TAF5: variants seen among roughly 807,000 people sequenced by gnomAD.
TAF5 encodes the protein transcription initiation factor TFIID subunit 5.
Under a neutral mutation model 80.9 loss-of-function variants are expected in TAF5, and 20 were observed. That is an observed-to-expected ratio of 0.25 (90% confidence interval 0.17 to 0.36). The LOEUF (loss-of-function observed/expected upper bound fraction) is 0.36. Among genes scored for constraint, TAF5 ranks in the 10% least tolerant of loss-of-function variants. The probability of loss-of-function intolerance (pLI) is 1.00; values close to 1 mark genes in which losing one functional copy is unlikely to be tolerated. For missense variants in TAF5, 863 were observed against 1,029.4 expected, an observed-to-expected ratio of 0.84 and a Z score of 2.21; for synonymous variants, 388 against 406.4, an observed-to-expected ratio of 0.95 and a Z score of 0.55.
intron 1 of TAF5, among the ~76,000 whole-genome samples, chr10:103,368,907 AAGTACTG>A (rs1470376952): frequency 3.9e-5 from 6 of 152,158 alleles, no homozygotes; most frequent in Admixed American, 1.3e-4. Context: ...AGCGTACTTT[AAGTACTG>A]TAAGTACTTT....
At chr10:103,387,720 T>C (rs2093400487) in intron 10 of TAF5, 22 bp downstream of exon 10, 1 of 1,598,870 alleles carries the variant, frequency 6.3e-7, no homozygotes, top group African/African-American at 1.3e-5. Flanking sequence ...TTAATGGCTT[T>C]ACGATAAATG....
chr10:103,380,153 AG>A (rs2093379248), intron 5 of TAF5, 134 bp downstream of exon 5: 1 of 1,087,504 alleles, frequency 9.2e-7, no homozygotes, highest in African/African-American at 1.6e-5. Context: ...TTTCTGAGAC[AG>A]AGTCTCGCTC....
intron 1 of TAF5, among the ~76,000 whole-genome samples, chr10:103,368,768 AGGGAT>A (rs2093351974): frequency 6.6e-6 from 1 of 152,160 alleles, no homozygotes; most frequent in Admixed American, 6.5e-5. Flanking sequence ...TGTTGAGCAG[AGGGAT>A]GTATGGGGAA....
intron 1 of TAF5, among the ~76,000 whole-genome samples, chr10:103,371,345 G>C (rs1369516684): frequency 6.6e-6 from 1 of 151,962 alleles, no homozygotes; most frequent in African/African-American, 2.4e-5. Context: ...TGTAATCTCA[G>C]ATCTCTTCAG....
In TAF5 at chr10:103,368,175, G is replaced by T; in HGVS notation, c.186G>T (p.Gly62=). Residue 62 remains glycine, a synonymous_variant, in exon 1 of 11, where the codon GGG becomes GGT. Transcript: ENST00000369839. ...CGTCGTCCACTGGCGGGGATGGCGG[G>T]ACCCCCAAGCCCACGGTGGCTGTCT... ...AASSSTGGDG[G]TPKPTVAVSA... 7.2e-7 allele frequency: 1 copy of T among 1,392,750 alleles called. No homozygotes were observed. 86.3% of individuals were successfully genotyped at this position (1,392,750 alleles called of 1,614,324 possible).
At position 103,368,266 on chromosome 10, in the gene TAF5, G is replaced by A; in HGVS notation, c.277G>A (p.Asp93Asn). Residue 93 changes from aspartate to asparagine, a missense_variant, in exon 1 of 11, where the codon GAC becomes AAC. Asp to Asn is a conservative substitution (Grantham distance 23, BLOSUM62 1). Transcript: ENST00000369839. ...TGCTCCGGACGCCGGCGCTCCGCATGACCGACAGACTCTACTGGCCGTGCT... is the reference window on the plus strand; with the variant it reads ...TGCTCCGGACGCCGGCGCTCCGCATAACCGACAGACTCTACTGGCCGTGCT... ...AAAPDAGAPH[D>N]RQTLLAVLQF... 4 of 1,547,436 alleles carry A rather than the reference G, an allele frequency of 2.6e-6. No homozygotes were observed. Among genetic ancestry groups the A allele is most frequent in the Non-Finnish European group, 3.5e-6 (4 of 1,155,428 alleles).
Position 103,368,104 on chromosome 10 carries a change from A to T in TAF5, c.115A>T (p.Thr39Ser). ...GDGAGEGSGG[T>S]TNNGPNGGGG... ...CGGCGCAGGCGAGGGTAGCGGCGGC[A>T]CTACCAACAACGGCCCCAACGGCGG... is the stretch of plus-strand genomic sequence containing the variant. Residue 39 changes from threonine to serine, a missense_variant, in exon 1 of 11, where the codon ACT becomes TCT. By Grantham distance (58) the Thr-to-Ser change is moderately conservative (BLOSUM62 1). This residue lies in a region of TAF5 where 367 missense variants were observed against 335.5 expected (regional missense o/e 1.09). Transcript: ENST00000369839. The T allele has an allele frequency of 7.1e-7, 1 of 1,413,884 alleles. No individual in the cohort carries two copies. The highest frequency in any genetic ancestry group is 9.2e-7 in the Non-Finnish European group (1 of 1,086,042). 87.6% of individuals were successfully genotyped at this position (1,413,884 alleles called of 1,614,324 possible). A position where few individuals can be genotyped will look rare whatever the true frequency, so the allele number is the denominator to read the frequency against.
At chr10:103,371,905 A>G (rs971037221) in intron 1 of TAF5, among the ~76,000 whole-genome samples, 3 of 151,214 alleles carry the variant, frequency 2.0e-5, no homozygotes, top group African/African-American at 7.3e-5. Context: ...CTTTAACATC[A>G]GGTAGTTCCA....
chr10:103,371,299 GA>G (rs1015983990), intron 1 of TAF5, among the ~76,000 whole-genome samples: 23 of 151,396 alleles, frequency 1.5e-4, no homozygotes, highest in African/African-American at 5.3e-4. Flanking sequence ...TTTTGTGAAT[GA>G]ACTATAAGAT....
chr10:103,383,244 G>A lies in TAF5; in HGVS notation c.1541G>A (p.Ser514Asn), dbSNP rs768174498. ...LRSVKQASDL[S>N]LIDKESDDVL... ...TATTTCTGGACCATTTTAGATCTTAGTCTTATAGACAAAGAATCAGATGAT... is the reference window on the plus strand; with the variant it reads ...TATTTCTGGACCATTTTAGATCTTAATCTTATAGACAAAGAATCAGATGAT... Residue 514 changes from serine (S) to asparagine (N), a missense_variant, in exon 7 of 11, where the codon AGT becomes AAT. Physicochemically the swap from Ser to Asn is conservative, Grantham distance 46. Around this residue, in one of 3 missense-constraint regions of TAF5, gnomAD observed 368 missense variants for 461.7 expected, o/e 0.80. Coordinates refer to ENST00000369839, the MANE Select transcript of TAF5 (RefSeq NM_006951.5). 7.6e-6 allele frequency: 12 copies of A among 1,574,310 alleles called. No homozygotes were observed. Among genetic ancestry groups the A allele is most frequent in the Non-Finnish European group, 9.4e-6 (11 of 1,167,302 alleles).
intron 1 of TAF5, among the ~76,000 whole-genome samples, chr10:103,372,707 T>C (rs61869839): frequency 1 from 149,864 of 150,126 alleles, 74,802 homozygotes; most frequent in Middle Eastern, 1. Context: ...ACTAGCCTGG[T>C]CAACATAGTG....
At position 103,372,901 on chromosome 10, in the gene TAF5, GA is replaced by G. The variant is rs1262710385; in HGVS notation, c.560-445del. Among the ~76,000 whole-genome samples the G allele has an allele frequency of 1.0e-2, 1,331 of 133,106 alleles. 11 individuals carry two copies. The highest frequency in any genetic ancestry group is 0.031 in the African/African-American group (1,155 of 36,772). The allele number at this position is 133,106 out of a possible 152,430, so 87.3% of individuals were successfully genotyped here. On this transcript the variant is annotated intron_variant, in intron 1 of 10. Coordinates refer to ENST00000369839, the MANE Select transcript of TAF5 (RefSeq NM_006951.5). The stretch of plus-strand genomic sequence containing the variant: ...CAAGAGTGAAACTCCATCTTAAAAA[GA>G]AAAAAAAAAAAGACTACGTGGGCCA...
intron 6 of TAF5, 106 bp from the exon 7 acceptor site, chr10:103,383,132 G>A (rs888025690): frequency 3.8e-6 from 4 of 1,060,918 alleles, no homozygotes; most frequent in Non-Finnish European, 3.9e-6. Context: ...TTGGTATATA[G>A]GAGGAAATTT....
At chr10:103,373,311 T>G in intron 1 of TAF5, 47 bp from the exon 2 acceptor site, 6 of 1,493,926 alleles carry the variant, frequency 4.0e-6, no homozygotes, top group South Asian at 1.2e-5. Flanking sequence ...CATAGTCACA[T>G]GGTCATAATA....
Position 103,383,249 on chromosome 10 carries a change from A to G in TAF5, c.1546A>G (p.Ile516Val), listed in dbSNP as rs1179690312. Residue 516 changes from isoleucine to valine, a missense_variant, in exon 7 of 11, where the codon ATA (isoleucine) becomes GTA (valine). Ile to Val is a conservative substitution (Grantham distance 29). Transcript: ENST00000369839. Reference protein sequence around the residue: ...SVKQASDLSLIDKESDDVLER... With the variant: ...SVKQASDLSLVDKESDDVLER... ...CTGGACCATTTTAGATCTTAGTCTT[A>G]TAGACAAAGAATCAGATGATGTCTT... 1 of 1,579,504 alleles carries G rather than the reference A, an allele frequency of 6.3e-7. No homozygotes were observed. Among genetic ancestry groups the G allele is most frequent in the Admixed American group, 2.1e-5 (1 of 48,180 alleles).
intron 7 of TAF5, among the ~76,000 whole-genome samples, chr10:103,384,853 GT>G (rs1044245658): frequency 1.3e-5 from 2 of 151,210 alleles, no homozygotes; most frequent in East Asian, 3.9e-4. Context: ...CATGTCTGTA[GT>G]TTTTTTTTCT....
chr10:103,380,610 T>C (rs1249868264), intron 5 of TAF5, among the ~76,000 whole-genome samples: 5 of 152,154 alleles, frequency 3.3e-5, no homozygotes, highest in Non-Finnish European at 5.9e-5. Context: ...CGTAAACTTA[T>C]TTATCAATTT....
rs569887094 is a variant in TAF5, at chr10:103,370,590, G to A, written c.559+2042G>A. On this transcript the variant is annotated intron_variant, in intron 1 of 10. Transcript: ENST00000369839. ...GATCCACCCGCCTTGGTCTCCCAAAGTGCTGGGATTACAGGCGTGAGCCAC... is the reference window on the plus strand; with the variant it reads ...GATCCACCCGCCTTGGTCTCCCAAAATGCTGGGATTACAGGCGTGAGCCAC... Among the ~76,000 whole-genome samples the A allele has an allele frequency of 1.3e-5, 2 of 152,138 alleles. 1 individual carries two copies. The highest frequency in any genetic ancestry group is 4.8e-5 in the African/African-American group (2 of 41,554).
In TAF5 at chr10:103,373,527, G is replaced by C. The variant is rs781781591; in HGVS notation, c.729G>C (p.Leu243=). The change falls in exon 2 of 11, where the codon CTG becomes CTC. Residue 243 remains leucine (L), a synonymous_variant. Transcript: ENST00000369839. Reference sequence around the variant, plus strand: ...AGTTGTCCCAACTTTTTTATCCTCTGTTTGTGCACATGTACTTGGAGCTAG... The same window carrying C: ...AGTTGTCCCAACTTTTTTATCCTCTCTTTGTGCACATGTACTTGGAGCTAG... ...RAELSQLFYP[L]FVHMYLELVY... is the part of the protein sequence containing the mutation. 83 of 1,614,028 alleles carry C rather than the reference G, an allele frequency of 5.1e-5. No individual in the cohort carries two copies. The highest frequency in any genetic ancestry group is 6.9e-5 in the Non-Finnish European group (82 of 1,180,036).
Sources: gnomAD v4.1 joint callset for allele counts (sites outside exome capture counted in the v4.1 genomes callset) on GRCh38, gnomAD v4.1.1 for gene constraint, gnomAD v4.1.1 regional missense constraint, MANE v1.5 for transcripts, NCBI Gene and HGNC (gene_info 2026-07-23, HGNC 2026-07-21) for gene names.